Variants in YTHDF3 observed in about 807,000 individuals in gnomAD.
YTHDF3 encodes YTH domain-containing family protein 3.
Under a neutral mutation model 52.5 loss-of-function variants are expected in YTHDF3, and 9 were observed. The ratio of observed to expected loss-of-function variants is 0.17; its 90% CI spans 0.10 to 0.30. The LOEUF (loss-of-function observed/expected upper bound fraction) is 0.30, where lower values mean the gene tolerates loss of function less well. Ranked by LOEUF, YTHDF3 falls within the 10% of genes least tolerant of loss-of-function variation. The probability of loss-of-function intolerance (pLI) is 1.00; values close to 1 mark genes in which losing one functional copy is unlikely to be tolerated. For synonymous variants in YTHDF3, 274 were observed against 243.3 expected (o/e 1.13, Z -1.18); for missense variants, 534 against 715.0 (o/e 0.75, Z 2.89).
intron 4 of YTHDF3, among the ~76,000 whole-genome samples, chr8:63,199,646 G>A (rs536962149): frequency 1.3e-5 from 2 of 152,182 alleles, no homozygotes; most frequent in Non-Finnish European, 2.9e-5. Context: ...TTTAAGGTAT[G>A]TGTGTCCAAG....
chr8:63,203,383 C>T (rs766460528), intron 4 of YTHDF3, among the ~76,000 whole-genome samples: 18 of 152,016 alleles, frequency 1.2e-4, no homozygotes, highest in East Asian at 5.8e-4. Context: ...AATATATATA[C>T]ACACACACAT....
At chr8:63,173,147 A>G (rs909880607) in intron 2 of YTHDF3, among the ~76,000 whole-genome samples, 1 of 150,720 alleles carries the variant, frequency 6.6e-6, no homozygotes, top group Non-Finnish European at 1.5e-5. Flanking sequence ...TCTCAGGCCT[A>G]GCCTCTTAGA....
At chr8:63,177,313 T>C (rs1807761189) in intron 3 of YTHDF3, among the ~76,000 whole-genome samples, 1 of 152,142 alleles carries the variant, frequency 6.6e-6, no homozygotes, top group Non-Finnish European at 1.5e-5. Context: ...TACTTCCCCT[T>C]AACCACCCCT....
In YTHDF3 at chr8:63,175,346, G is replaced by T. The variant is rs1171129648; in HGVS notation, c.65G>T (p.Gly22Val). 26 of 1,608,976 alleles carry T rather than the reference G, an allele frequency of 1.6e-5. No individual in the cohort carries two copies. The highest frequency in any genetic ancestry group is 5.1e-6 in the Non-Finnish European group (6 of 1,177,158). Residue 22 changes from glycine to valine, a missense_variant, in exon 3 of 5, where the codon GGT becomes GTT. By Grantham distance (109) the Gly-to-Val change is moderately radical. This residue lies in a region of YTHDF3 where 196 missense variants were observed against 299.5 expected (regional missense o/e 0.65). Coordinates refer to ENST00000539294, the MANE Select transcript of YTHDF3 (RefSeq NM_152758.6). ...ATTTTTTTAGTTTCAGTACAAAACG[G>T]TTCGATTCATCAAAAAGATGCTGTA... ...GQGNKVSVQN[G>V]SIHQKDAVND... is the part of the protein sequence containing the mutation.
At chr8:63,208,650 T>C (rs928773927) in intron 4 of YTHDF3, among the ~76,000 whole-genome samples, 9 of 152,192 alleles carry the variant, frequency 5.9e-5, no homozygotes, top group African/African-American at 2.2e-4. Context: ...ACAAACTACT[T>C]GATGTGTTCA....
chr8:63,209,792 C>CTG lies in YTHDF3; in HGVS notation c.*87_*88insGT. The CTG allele has an allele frequency of 7.5e-7, 1 of 1,326,834 alleles. No individual in the cohort carries two copies. The allele number at this position is 1,326,834 out of a possible 1,614,324, so 82.2% of individuals were successfully genotyped here. ...ATAAGTCAAAGAAGACGTATTAAAG[C>CTG]TCTTTTCTGCTTAAGGTGACATCTT... On this transcript the variant is annotated 3_prime_UTR_variant, in exon 5 of 5. Transcript: ENST00000539294.
In YTHDF3 at chr8:63,209,926, T is replaced by TTC. The variant is rs1810283533; in HGVS notation, c.*222_*223dup. ...GAGAACTGTAACTTCGTCAAGCACT[T>TTC]TCTGTCCTGAAGCTTTTACCAGTAT... On this transcript the variant is annotated 3_prime_UTR_variant, in exon 5 of 5. Coordinates refer to ENST00000539294, the MANE Select transcript of YTHDF3 (RefSeq NM_152758.6). 2.1e-6 allele frequency: 1 copy of TTC among 468,376 alleles called. No homozygotes were observed. Among genetic ancestry groups the TTC allele is most frequent in the Non-Finnish European group, 3.8e-6 (1 of 266,584 alleles). 29.0% of individuals were successfully genotyped at this position (468,376 alleles called of 1,614,324 possible).
chr8:63,196,938 T>C (rs759035860), intron 4 of YTHDF3, among the ~76,000 whole-genome samples: 4 of 152,104 alleles, frequency 2.6e-5, no homozygotes, highest in Non-Finnish European at 4.4e-5. Flanking sequence ...AGAACAAATA[T>C]CTCTCAGCAG....
intron 4 of YTHDF3, among the ~76,000 whole-genome samples, chr8:63,209,113 C>G (rs1810220617): frequency 6.6e-6 from 1 of 152,162 alleles, no homozygotes; most frequent in African/African-American, 2.4e-5. Flanking sequence ...GTTGATCCAC[C>G]TGTCTCGGCC....
intron 4 of YTHDF3, among the ~76,000 whole-genome samples, chr8:63,193,566 A>C (rs946473324): frequency 2.6e-5 from 4 of 152,098 alleles, no homozygotes; most frequent in African/African-American, 9.7e-5. Context: ...GACCAGCCTG[A>C]GTAGCACAAT....
At chr8:63,168,954 C>T (rs1807077926) in intron 1 of YTHDF3, 53 bp downstream of exon 1, 10 of 1,543,274 alleles carry the variant, frequency 6.5e-6, no homozygotes, top group African/African-American at 1.4e-5. Context: ...CGGAGCTCCA[C>T]CCTCGCGCGG....
rs556849073 is a variant in YTHDF3 at position 63,209,970 on chromosome 8, A to C, written c.*264A>C. ...CCAGTATCTGCTGTCTTTTGTAATT[A>C]TGCATCCTAGCTAAGGCACAGAAGA... On this transcript the variant is annotated 3_prime_UTR_variant, in exon 5 of 5. Coordinates refer to ENST00000539294, the MANE Select transcript of YTHDF3 (RefSeq NM_152758.6). 7.9e-6 allele frequency: 3 copies of C among 380,070 alleles called. No individual in the cohort carries two copies. The East Asian group carries it at 1.3e-4, about 17-fold the overall frequency. 23.5% of individuals were successfully genotyped at this position (380,070 alleles called of 1,614,324 possible).
At chr8:63,174,425 A>C (rs1401267131) in intron 2 of YTHDF3, among the ~76,000 whole-genome samples, 1 of 152,246 alleles carries the variant, frequency 6.6e-6, no homozygotes, top group Non-Finnish European at 1.5e-5. Context: ...TAATCAGATG[A>C]GATGAGGTAG....
intron 4 of YTHDF3, among the ~76,000 whole-genome samples, chr8:63,200,692 G>T (rs924514332): frequency 6.6e-6 from 1 of 151,964 alleles, no homozygotes; most frequent in Admixed American, 6.6e-5. Flanking sequence ...ATGATTATCA[G>T]GTTTTCAAAT....
At position 63,168,852 on chromosome 8, in the gene YTHDF3, C is replaced by A. The variant is rs1277013415; in HGVS notation, c.-26C>A. On this transcript the variant is annotated 5_prime_UTR_variant, in exon 1 of 5. Coordinates refer to ENST00000539294, the MANE Select transcript of YTHDF3 (RefSeq NM_152758.6). Reference sequence around the variant, plus strand: ...GGAGAGGCCCAGGCAGCGGCGGCGGCGGCGGCTCTCGGGTTGCGGTGAAGA... The same window carrying A: ...GGAGAGGCCCAGGCAGCGGCGGCGGAGGCGGCTCTCGGGTTGCGGTGAAGA... The A allele has an allele frequency of 3.2e-6, 5 of 1,553,906 alleles. No homozygotes were observed. The highest frequency in any genetic ancestry group is 4.4e-6 in the Non-Finnish European group (5 of 1,148,928).
intron 4 of YTHDF3, among the ~76,000 whole-genome samples, chr8:63,203,822 G>A (rs1480560371): frequency 3.9e-5 from 6 of 152,094 alleles, no homozygotes; most frequent in African/African-American, 7.2e-5. Context: ...CCTCAATTTC[G>A]GTTTGGCTGA....
chr8:63,168,941 C>A (rs548080512), intron 1 of YTHDF3, 40 bp downstream of exon 1: 10 of 1,547,256 alleles, frequency 6.5e-6, no homozygotes, highest in Non-Finnish European at 8.7e-6. Context: ...AAGGCCCGAG[C>A]CCCGGAGCTC....
chr8:63,203,142 T>C (rs982988064), intron 4 of YTHDF3, among the ~76,000 whole-genome samples: 1 of 151,756 alleles, frequency 6.6e-6, no homozygotes. Flanking sequence ...CTCGAGAGGC[T>C]TGAGGCACGA....
chr8:63,190,885 G>A (rs1306077690), intron 4 of YTHDF3, among the ~76,000 whole-genome samples: 1 of 152,074 alleles, frequency 6.6e-6, no homozygotes, highest in Non-Finnish European at 1.5e-5. Flanking sequence ...TCACGTTGCT[G>A]CCACCCTTTT....
Sources: allele counts gnomAD v4.1 joint callset (sites outside exome capture counted in the v4.1 genomes callset), GRCh38; gene constraint gnomAD v4.1.1; regional missense constraint gnomAD v4.1.1; transcripts MANE v1.5; gene names NCBI Gene and HGNC (gene_info 2026-07-23, HGNC 2026-07-21).